Variants in MMD2 observed in about 807,000 individuals in gnomAD.
MMD2 encodes monocyte to macrophage differentiation associated 2.
In MMD2, 30 loss-of-function variants were observed where a neutral mutation model predicts 33.5. The ratio of observed to expected loss-of-function variants is 0.90; its 90% CI spans 0.67 to 1.22. The LOEUF (loss-of-function observed/expected upper bound fraction) is 1.22. MMD2 is among the 50% of genes most tolerant of loss of function. The pLI is 0.00. For synonymous variants in MMD2, 129 were observed against 123.0 expected, an observed-to-expected ratio of 1.05 and a Z score of -0.32; for missense variants, 364 against 325.4, an observed-to-expected ratio of 1.12 and a Z score of -0.91.
At chr7:4,914,328 C>G (rs190229605) in intron 4 of MMD2, among the ~76,000 whole-genome samples, 39 of 152,240 alleles carry the variant, frequency 2.6e-4, no homozygotes, top group Admixed American at 8.5e-4. Flanking sequence ...GTGCTGTGGC[C>G]ACATTCAGAA....
intron 1 of MMD2, among the ~76,000 whole-genome samples, chr7:4,945,200 C>CTTCTTCTTCTTCTTT (rs1786031009): frequency 7.3e-6 from 1 of 136,698 alleles, no homozygotes; most frequent in East Asian, 2.2e-4. Flanking sequence ...TCTTCTTCTT[C>CTTCTTCTTCTTCTTT]TTCTTCTTCT....
At chr7:4,939,953 G>C (rs1785858721) in intron 1 of MMD2, among the ~76,000 whole-genome samples, 2 of 152,112 alleles carry the variant, frequency 1.3e-5, no homozygotes, top group Non-Finnish European at 2.9e-5. Context: ...TGTTGGCCAG[G>C]CTGGTCTCGA....
intron 1 of MMD2, among the ~76,000 whole-genome samples, chr7:4,947,642 C>T (rs1238128991): frequency 6.7e-6 from 1 of 148,704 alleles, no homozygotes; most frequent in Non-Finnish European, 1.5e-5. Context: ...ATCTGCCTGT[C>T]CCAGCCTCCC....
intron 1 of MMD2, among the ~76,000 whole-genome samples, chr7:4,941,984 C>T (rs146591543): frequency 0.015 from 2,349 of 152,018 alleles, 17 homozygotes; most frequent in Non-Finnish European, 0.023. Flanking sequence ...GATGAAGTCT[C>T]GCCCTGTTGC....
intron 2 of MMD2, among the ~76,000 whole-genome samples, chr7:4,924,130 T>C (rs1015834675): frequency 6.6e-6 from 1 of 152,078 alleles, no homozygotes; most frequent in Non-Finnish European, 1.5e-5. Context: ...AGGCAGAGCT[T>C]GCAGTGAGCC....
chr7:4,927,459 C>T (rs1785462917), intron 1 of MMD2, among the ~76,000 whole-genome samples: 2 of 152,032 alleles, frequency 1.3e-5, no homozygotes, highest in African/African-American at 4.8e-5. Flanking sequence ...GCAGAAGAAT[C>T]GCTTGAGGGA....
chr7:4,946,739 T>C lies in MMD2; in HGVS notation c.47+12232A>G, dbSNP rs937706298. 1.3e-5 allele frequency among the ~76,000 whole-genome samples: 2 copies of C among 152,094 alleles called. No individual in the cohort carries two copies. Among genetic ancestry groups the C allele is most frequent in the African/African-American group, 4.8e-5 (2 of 41,418 alleles). ...TATAATCCTCCTGGCCTTTCTTCCT[T>C]CTTATTTTTAGAGACAGGGTCTGGT... On this transcript the variant is annotated intron_variant, in intron 1 of 6. Transcript: ENST00000401401. This position sits in a 1 kb window ranked among gnomAD's most constrained non-coding sequence, Gnocchi z 5.0.
At chr7:4,945,183 T>TC (rs781149510) in intron 1 of MMD2, among the ~76,000 whole-genome samples, 9,194 of 140,862 alleles carry the variant, frequency 0.065, 547 homozygotes, top group African/African-American at 0.12. Flanking sequence ...CTCCTCTTCC[T>TC]CTTTCTTCTT....
At chr7:4,902,277 T>C (rs1464538505), downstream of MMD2, among the ~76,000 whole-genome samples, 1 of 152,186 alleles carries the variant, frequency 6.6e-6, no homozygotes, top group Admixed American at 6.6e-5. Context: ...TAATTTTTTT[T>C]AAGGTCAGCT....
chr7:4,899,428 G>A, the MMD2 span, among the ~76,000 whole-genome samples: 90 of 150,524 alleles, frequency 6.0e-4, 1 homozygote, highest in African/African-American at 2.0e-3. Context: ...TTGCTTTGTC[G>A]CCCAGGCTGG....
intron 1 of MMD2, among the ~76,000 whole-genome samples, chr7:4,931,299 C>T (rs1325949685): frequency 2.6e-5 from 4 of 151,910 alleles, no homozygotes; most frequent in Non-Finnish European, 5.9e-5. Flanking sequence ...GTGCACACCA[C>T]CACACCCGGC....
At chr7:4,918,416 G>A (rs1296755016) in intron 3 of MMD2, among the ~76,000 whole-genome samples, 1 of 151,944 alleles carries the variant, frequency 6.6e-6, no homozygotes, top group Non-Finnish European at 1.5e-5. Context: ...GAGTCAGCTT[G>A]AGTTGAATGT....
intron 1 of MMD2, among the ~76,000 whole-genome samples, chr7:4,947,453 G>A (rs1423820022): frequency 6.6e-6 from 1 of 151,460 alleles, no homozygotes; most frequent in Non-Finnish European, 1.5e-5. Context: ...GAGTGCAGTG[G>A]TGGGATCTCA....
intron 1 of MMD2, among the ~76,000 whole-genome samples, chr7:4,930,405 G>A (rs191958004): frequency 7.2e-4 from 109 of 151,968 alleles, no homozygotes; most frequent in South Asian, 3.3e-3. Flanking sequence ...TTTGGGAAGC[G>A]GAGGTGGGTG....
intron 4 of MMD2, among the ~76,000 whole-genome samples, chr7:4,914,618 A>C (rs1208988316): frequency 6.6e-6 from 1 of 152,064 alleles, no homozygotes; most frequent in East Asian, 1.9e-4. Flanking sequence ...GTCAATCACA[A>C]CCAGGGGTAA....
At chr7:4,908,203 G>A (rs1441764866) in intron 6 of MMD2, among the ~76,000 whole-genome samples, 12 of 149,636 alleles carry the variant, frequency 8.0e-5, no homozygotes, top group South Asian at 4.2e-4. Context: ...GTGCAGTAGC[G>A]AGATCTCAGT....
At chr7:4,898,796 G>A in the MMD2 span, among the ~76,000 whole-genome samples, 2 of 152,172 alleles carry the variant, frequency 1.3e-5, no homozygotes. Context: ...CTACTTGGGA[G>A]GCTGAGACAG....
At chr7:4,949,004 T>C (rs947574461) in intron 1 of MMD2, among the ~76,000 whole-genome samples, 4 of 152,020 alleles carry the variant, frequency 2.6e-5, no homozygotes, top group Non-Finnish European at 5.9e-5. Flanking sequence ...GTACAAAAGA[T>C]GGTTGCAGTG....
chr7:4,907,418 A>G lies in MMD2; in HGVS notation c.719T>C (p.Leu240Pro). The G allele has an allele frequency of 6.2e-7, 1 of 1,613,918 alleles. No homozygotes were observed. The highest frequency in any genetic ancestry group is 8.5e-7 in the Non-Finnish European group (1 of 1,179,906). ...ACCTCATTTGGACACCTTGGTCTGCAGGGTGCTGGGCAGATAGAGGTACCT... is the reference window on the plus strand; with the variant it reads ...ACCTCATTTGGACACCTTGGTCTGCGGGGTGCTGGGCAGATAGAGGTACCT... ...IWRYLYLPSTLQTKVSK is the reference protein window; with the variant it reads ...IWRYLYLPSTPQTKVSK Residue 240 changes from leucine (L) to proline (P), a missense_variant, in exon 7 of 7, where the codon CTG becomes CCG. By Grantham distance (98) the Leu-to-Pro change is moderately conservative. Transcript: ENST00000401401.
Sources: gnomAD v4.1 joint callset for allele counts (sites outside exome capture counted in the v4.1 genomes callset) on GRCh38, gnomAD v4.1.1 for gene constraint, Gnocchi (gnomAD v3.1) non-coding constraint, MANE v1.5 for transcripts, NCBI Gene and HGNC (gene_info 2026-07-23, HGNC 2026-07-21) for gene names.